BCAS3: variants seen among roughly 807,000 people sequenced by gnomAD.
BCAS3 encodes BCAS3 microtubule associated cell migration factor, also known as BCAS4/BCAS3 fusion.
BCAS3 carries 53 observed loss-of-function variants against 116.1 expected under a neutral mutation model. That is an observed-to-expected ratio of 0.46 (90% CI 0.37 to 0.57). The LOEUF (loss-of-function observed/expected upper bound fraction) is 0.57. BCAS3 is among the 20% of genes least tolerant of loss of function. BCAS3 has a pLI of 0.00. For missense variants in BCAS3, 917 were observed against 1,165.4 expected (o/e 0.79, Z 3.10); for synonymous variants, 391 against 408.2 (o/e 0.96, Z 0.51).
At chr17:61,317,722 T>C (rs2144804160) in intron 22 of BCAS3, among the ~76,000 whole-genome samples, 1 of 152,332 alleles carries the variant, frequency 6.6e-6, no homozygotes, top group Non-Finnish European at 1.5e-5. Flanking sequence ...TAGGGCACAG[T>C]TGTTCCTAAG....
In BCAS3 at chr17:61,327,999, A is replaced by G. The variant is rs1253843999; in HGVS notation, c.2426-40328A>G. Among the ~76,000 whole-genome samples the G allele has an allele frequency of 1.3e-5, 2 of 152,226 alleles. No individual in the cohort carries two copies. Among genetic ancestry groups the G allele is most frequent in the Non-Finnish European group, 2.9e-5 (2 of 68,044 alleles). On this transcript the variant is annotated intron_variant, in intron 22 of 23. Transcript: ENST00000407086. The surrounding 1 kb of genome is among the most constrained non-coding windows in gnomAD (Gnocchi z 5.9). ...TTTTTCACCCAGCAATTTATTTTCT[A>G]GGAATTTATTCCACAAAAATATAGG...
rs146750352 is a variant in BCAS3 at position 61,129,857 on chromosome 17, A to C, written c.2425+45293A>C. 7.9e-3 allele frequency among the ~76,000 whole-genome samples: 1,208 copies of C among 152,334 alleles called. 5 individuals are homozygous for C. Among genetic ancestry groups the C allele is most frequent in the Non-Finnish European group, 0.012 (837 of 68,028 alleles). On this transcript the variant is annotated intron_variant, in intron 22 of 23. Transcript: ENST00000407086. ...AGGTCTACAGAAGCCATTTTTGTTT[A>C]TAAAGCTGTAATTTCTCACAGCAGA...
intron 19 of BCAS3, among the ~76,000 whole-genome samples, chr17:61,059,726 A>T (rs1353546480): frequency 6.6e-6 from 1 of 152,158 alleles, no homozygotes; most frequent in Non-Finnish European, 1.5e-5. Flanking sequence ...TTTCAAAGCT[A>T]TAGAAAGAAA....
chr17:61,375,448 T>A (rs1441773880), intron 23 of BCAS3, among the ~76,000 whole-genome samples: 1 of 152,098 alleles, frequency 6.6e-6, no homozygotes, highest in East Asian at 1.9e-4. Flanking sequence ...TATGGAGGGC[T>A]GGGAACTTTT....
At chr17:61,146,528 C>T (rs2077225087) in intron 22 of BCAS3, among the ~76,000 whole-genome samples, 1 of 152,160 alleles carries the variant, frequency 6.6e-6, no homozygotes. Context: ...GCCCTCTCCC[C>T]ACAACCCTCA....
At position 61,069,834 on chromosome 17, in the gene BCAS3, T is replaced by TAAA. The variant is rs746344496; in HGVS notation, c.2030-5067_2030-5065dup. On this transcript the variant is annotated intron_variant, in intron 19 of 23. Transcript: ENST00000407086. ...CTGGGTAACAGAGTGAGACCCTGTG[T>TAAA]AAAAAAAAAAAAAAAAAAAAAGACC... 487 of 606,504 alleles carry TAAA rather than the reference T, an allele frequency of 8.0e-4. 2 individuals are homozygous for TAAA. Among genetic ancestry groups the TAAA allele is most frequent in the African/African-American group, 4.3e-3 (163 of 37,694 alleles). The allele number at this position is 606,504 out of a possible 1,614,324, so 37.6% of individuals were successfully genotyped here.
At chr17:61,195,758 C>T (rs2080442831) in intron 22 of BCAS3, among the ~76,000 whole-genome samples, 1 of 152,148 alleles carries the variant, frequency 6.6e-6, no homozygotes, top group Non-Finnish European at 1.5e-5. Context: ...TATCCTCTCA[C>T]CTCAGCCTCC....
At chr17:61,373,804 CTTTGTT>C (rs2059182766) in intron 23 of BCAS3, among the ~76,000 whole-genome samples, 3 of 76,084 alleles carry the variant, frequency 3.9e-5, no homozygotes, top group Non-Finnish European at 8.2e-5. Context: ...TCTTCTTCTT[CTTTGTT>C]TTTTTTTTTT....
chr17:60,744,082 A>C (rs957022495), intron 5 of BCAS3, among the ~76,000 whole-genome samples: 3 of 152,242 alleles, frequency 2.0e-5, no homozygotes, highest in Non-Finnish European at 4.4e-5. Context: ...ACAAAGGCAG[A>C]GACCATGAGG....
At position 61,204,387 on chromosome 17, in the gene BCAS3, A is replaced by G. The variant is rs1031850744; in HGVS notation, c.2425+119823A>G. Among the ~76,000 whole-genome samples the G allele has an allele frequency of 1.3e-5, 2 of 152,182 alleles. No individual in the cohort carries two copies. The highest frequency in any genetic ancestry group is 2.9e-5 in the Non-Finnish European group (2 of 68,044). On this transcript the variant is annotated intron_variant, in intron 22 of 23. Coordinates refer to ENST00000407086, the MANE Select transcript of BCAS3 (RefSeq NM_017679.5). The surrounding 1 kb of genome is among the most constrained non-coding windows in gnomAD (Gnocchi z 4.2). ...TTTACGGGACCTTTACATTTAGTTCACTATTTTTTGAAAATAATATTCTAT... is the reference window on the plus strand; with the variant it reads ...TTTACGGGACCTTTACATTTAGTTCGCTATTTTTTGAAAATAATATTCTAT...
chr17:61,307,349 A>C lies in BCAS3; in HGVS notation c.2426-60978A>C, dbSNP rs191342327. On this transcript the variant is annotated intron_variant, in intron 22 of 23. Coordinates refer to ENST00000407086, the MANE Select transcript of BCAS3 (RefSeq NM_017679.5). The surrounding 1 kb of genome is among the most constrained non-coding windows in gnomAD (Gnocchi z 4.7). ...AAACTACCTGTAATTTTTCCTGTCT[A>C]CTTTTACTAGAGTTTACTAGAGGTT... is the stretch of plus-strand genomic sequence containing the variant. Among the ~76,000 whole-genome samples, 2 of 152,308 alleles carry C rather than the reference A, an allele frequency of 1.3e-5. No homozygotes were observed. The highest frequency in any genetic ancestry group is 3.9e-4 in the East Asian group (2 of 5,188).
rs774407799 is a variant in BCAS3, at chr17:61,171,895, A to C, written c.2425+87331A>C. Among the ~76,000 whole-genome samples, 4 of 152,126 alleles carry C rather than the reference A, an allele frequency of 2.6e-5. No homozygotes were observed. Among genetic ancestry groups the C allele is most frequent in the Non-Finnish European group, 5.9e-5 (4 of 68,026 alleles). On this transcript the variant is annotated intron_variant, in intron 22 of 23. Coordinates refer to ENST00000407086, the MANE Select transcript of BCAS3 (RefSeq NM_017679.5). This position sits in a 1 kb window ranked among gnomAD's most constrained non-coding sequence, Gnocchi z 4.1. ...TGATTCTCTCACCTTGGCCTTCCAA[A>C]GTGTTACGATTACCAGTGTGAGCCA...
chr17:60,972,867 A>C (rs2062051449), intron 14 of BCAS3, among the ~76,000 whole-genome samples: 1 of 152,142 alleles, frequency 6.6e-6, no homozygotes, highest in East Asian at 1.9e-4. Context: ...ATATGTTTTC[A>C]TTAAACATAA....
At chr17:61,031,640 A>T (rs2066648728) in intron 16 of BCAS3, among the ~76,000 whole-genome samples, 1 of 151,992 alleles carries the variant, frequency 6.6e-6, no homozygotes, top group Non-Finnish European at 1.5e-5. Flanking sequence ...TTATAGATTG[A>T]TGATAGAAAT....
chr17:61,318,558 G>A (rs1221777160), intron 22 of BCAS3, among the ~76,000 whole-genome samples: 2 of 152,118 alleles, frequency 1.3e-5, no homozygotes, highest in African/African-American at 4.8e-5. Context: ...GGGACACACC[G>A]CTTAATCACA....
rs1166525641 is a variant in BCAS3 at position 61,156,655 on chromosome 17, C to G, written c.2425+72091C>G. Among the ~76,000 whole-genome samples, 1 of 152,114 alleles carries G rather than the reference C, an allele frequency of 6.6e-6. No individual in the cohort carries two copies. Among genetic ancestry groups the G allele is most frequent in the African/African-American group, 2.4e-5 (1 of 41,418 alleles). On this transcript the variant is annotated intron_variant, in intron 22 of 23. Transcript: ENST00000407086. This position sits in a 1 kb window ranked among gnomAD's most constrained non-coding sequence, Gnocchi z 4.7. The stretch of plus-strand genomic sequence containing the variant: ...GGGATTTTTAAATATGAAACTGTGT[C>G]TTTTTGTAGTTGATGAGTAACCTGT...
chr17:61,271,424 A>ATTTTTTTTTTTTTTTTTTTTT lies in BCAS3; in HGVS notation c.2426-96890_2426-96889insTTTTTTTTTTTTTTTTTTTTT, dbSNP rs71148400. On this transcript the variant is annotated intron_variant, in intron 22 of 23. Transcript: ENST00000407086. ...TACAGGTGTAAGCCACCATGCCCGG[A>ATTTTTTTTTTTTTTTTTTTTT]TTTTTTTTTTTTTGTCTTAGGTGGA... 2.1e-3 allele frequency among the ~76,000 whole-genome samples: 148 copies of ATTTTTTTTTTTTTTTTTTTTT among 70,228 alleles called. 38 individuals are homozygous for ATTTTTTTTTTTTTTTTTTTTT. The highest frequency in any genetic ancestry group is 6.4e-3 in the East Asian group (12 of 1,886). 46.1% of individuals were successfully genotyped at this position (70,228 alleles called of 152,430 possible).
chr17:61,283,280 C>T (rs1472328431), intron 22 of BCAS3, among the ~76,000 whole-genome samples: 1 of 152,164 alleles, frequency 6.6e-6, no homozygotes, highest in Non-Finnish European at 1.5e-5. Context: ...AACTAGTTAG[C>T]TTCATCCACC....
intron 7 of BCAS3, chr17:60,821,564 A>G (rs531442109): frequency 1.3e-5 from 2 of 152,244 alleles, no homozygotes; most frequent in South Asian, 2.1e-4. Context: ...TTCTGTTACT[A>G]TAGATTAGTT....
Sources: allele counts gnomAD v4.1 joint callset (sites outside exome capture counted in the v4.1 genomes callset), GRCh38; gene constraint gnomAD v4.1.1; non-coding constraint Gnocchi (gnomAD v3.1); transcripts MANE v1.5; gene names NCBI Gene and HGNC (gene_info 2026-07-23, HGNC 2026-07-21).